Variants in RALGAPA2 observed in about 807,000 individuals in gnomAD.
RALGAPA2 encodes the protein ral GTPase-activating protein subunit alpha-2.
In RALGAPA2, 139 loss-of-function variants were observed where a neutral mutation model predicts 230.4. The observed-to-expected ratio is 0.60, with a 90% CI of 0.53 to 0.69. The LOEUF (loss-of-function observed/expected upper bound fraction) is 0.69. Among genes scored for constraint, RALGAPA2 ranks in the 30% least tolerant of loss-of-function variants. RALGAPA2 has a pLI of 0.00. For synonymous variants in RALGAPA2, 847 were observed against 837.8 expected, an observed-to-expected ratio of 1.01 and a Z score of -0.19; for missense variants, 2,163 against 2,276.0, an observed-to-expected ratio of 0.95 and a Z score of 1.01.
chr20:20,393,637 C>T (rs73901531), intron 39 of RALGAPA2, among the ~76,000 whole-genome samples: 1,936 of 152,272 alleles, frequency 0.013, 45 homozygotes, highest in African/African-American at 0.045. Context: ...GGCCGCTCTG[C>T]AGATCCCTGG....
At chr20:20,634,500 C>T (rs977214931) in intron 9 of RALGAPA2, among the ~76,000 whole-genome samples, 1 of 152,196 alleles carries the variant, frequency 6.6e-6, no homozygotes, top group African/African-American at 2.4e-5. Context: ...TCAGTGACTT[C>T]TCCCCAGTGG....
At chr20:20,657,957 G>A (rs1395129963) in intron 3 of RALGAPA2, among the ~76,000 whole-genome samples, 4 of 152,198 alleles carry the variant, frequency 2.6e-5, no homozygotes, top group Admixed American at 1.3e-4. Flanking sequence ...TGGTCTTCTT[G>A]ATTTCATTTT....
chr20:20,421,308 A>G (rs1602319802), intron 37 of RALGAPA2, among the ~76,000 whole-genome samples: 1 of 152,240 alleles, frequency 6.6e-6, no homozygotes, highest in East Asian at 1.9e-4. Context: ...AGCGACAGTA[A>G]TAACCAGTGA....
intron 23 of RALGAPA2, among the ~76,000 whole-genome samples, chr20:20,564,466 A>G (rs2145862602): frequency 6.6e-6 from 1 of 152,352 alleles, no homozygotes; most frequent in East Asian, 1.9e-4. Context: ...TGGTTAGTAC[A>G]GATACTTGTT....
rs1250955132 is a variant in RALGAPA2 at position 20,592,346 on chromosome 20, C to G, written c.2204-1032G>C. Among the ~76,000 whole-genome samples the G allele has an allele frequency of 5.3e-5, 8 of 152,116 alleles. No individual in the cohort carries two copies. The East Asian group carries it at 1.5e-3, about 29-fold the overall frequency. ...GATCCCCTTGCAAGGTACTCTAGCT[C>G]ACTTTAGTCTCCAGTAGTACTAACC... On this transcript the variant is annotated intron_variant, in intron 16 of 39. Coordinates refer to ENST00000202677, the MANE Select transcript of RALGAPA2 (RefSeq NM_020343.4).
intron 26 of RALGAPA2, among the ~76,000 whole-genome samples, chr20:20,533,476 T>C (rs1208148718): frequency 6.6e-6 from 1 of 152,110 alleles, no homozygotes; most frequent in African/African-American, 2.4e-5. Flanking sequence ...ACTAATCACA[T>C]AGCCTCAAAA....
intron 30 of RALGAPA2, among the ~76,000 whole-genome samples, chr20:20,523,368 T>C (rs1208212551): frequency 6.6e-6 from 1 of 152,250 alleles, no homozygotes; most frequent in Non-Finnish European, 1.5e-5. Context: ...ATTACTTTGA[T>C]GTGACATAGT....
chr20:20,398,218 C>T lies in RALGAPA2; in HGVS notation c.5618-1484G>A, dbSNP rs545854223. On this transcript the variant is annotated intron_variant, in intron 38 of 39. Coordinates refer to ENST00000202677, the MANE Select transcript of RALGAPA2 (RefSeq NM_020343.4). The surrounding 1 kb of genome is among the most constrained non-coding windows in gnomAD (Gnocchi z 4.5). ...TGAGCAAAGGGTCTCTTTATGAAGGCGCTCCTTGATCTCACTCCTCTGCAG... is the reference window on the plus strand; with the variant it reads ...TGAGCAAAGGGTCTCTTTATGAAGGTGCTCCTTGATCTCACTCCTCTGCAG... Among the ~76,000 whole-genome samples the T allele has an allele frequency of 3.0e-4, 45 of 152,256 alleles. No individual in the cohort carries two copies. The highest frequency in any genetic ancestry group is 6.8e-3 in the Middle Eastern group (2 of 294).
intron 3 of RALGAPA2, among the ~76,000 whole-genome samples, chr20:20,672,727 A>C (rs1365812381): frequency 6.6e-6 from 1 of 152,224 alleles, no homozygotes; most frequent in African/African-American, 2.4e-5. Context: ...GGCCAGAATG[A>C]ACAGAAACTT....
In RALGAPA2 at chr20:20,643,480, AT is replaced by A. The variant is rs11479840; in HGVS notation, c.372+25del. The A allele has an allele frequency of 6.5e-4, 946 of 1,457,718 alleles. 8 individuals carry two copies. In the African/African-American group the frequency reaches 0.012, roughly 18 times the overall value. 90.3% of individuals were successfully genotyped at this position (1,457,718 alleles called of 1,614,324 possible). A position where few individuals can be genotyped will look rare whatever the true frequency, so the allele number is the denominator to read the frequency against. On this transcript the variant is annotated intron_variant, in intron 5 of 39. Coordinates refer to ENST00000202677, the MANE Select transcript of RALGAPA2 (RefSeq NM_020343.4). Reference sequence around the variant, plus strand: ...TTAACAAATTTAAGAGTAATAAAAAATGTCATTACACAATAAAATAAATACC... The same window carrying A: ...TTAACAAATTTAAGAGTAATAAAAAAGTCATTACACAATAAAATAAATACC...
At chr20:20,544,801 A>G (rs541839745) in intron 24 of RALGAPA2, among the ~76,000 whole-genome samples, 1 of 151,986 alleles carries the variant, frequency 6.6e-6, no homozygotes, top group African/African-American at 2.4e-5. Flanking sequence ...ATTCTCACTC[A>G]TAAGTGGGAG....
At chr20:20,434,154 A>C (rs2060558117) in intron 37 of RALGAPA2, among the ~76,000 whole-genome samples, 1 of 152,170 alleles carries the variant, frequency 6.6e-6, no homozygotes, top group Admixed American at 6.5e-5. Flanking sequence ...AAGTGTATAA[A>C]AGCAAAATGA....
In RALGAPA2 at chr20:20,444,378, A is replaced by G. The variant is rs1012704818; in HGVS notation, c.5495+28451T>C. On this transcript the variant is annotated intron_variant, in intron 37 of 39. Coordinates refer to ENST00000202677, the MANE Select transcript of RALGAPA2 (RefSeq NM_020343.4). Reference sequence around the variant, plus strand: ...TCCTGGGACTCTCCTACACCCTAGCACATCACCTCGTTTCCCAATTTGAGG... The same window carrying G: ...TCCTGGGACTCTCCTACACCCTAGCGCATCACCTCGTTTCCCAATTTGAGG... 1.1e-4 allele frequency among the ~76,000 whole-genome samples: 17 copies of G among 152,234 alleles called. No homozygotes were observed. The East Asian group carries it at 3.3e-3, about 29-fold the overall frequency.
At chr20:20,580,084 A>G (rs1040639456) in intron 20 of RALGAPA2, among the ~76,000 whole-genome samples, 1 of 152,200 alleles carries the variant, frequency 6.6e-6, no homozygotes, top group South Asian at 2.1e-4. Context: ...AGAGCATCTA[A>G]ATCAGTATTT....
intron 23 of RALGAPA2, among the ~76,000 whole-genome samples, chr20:20,553,079 A>C (rs2063975394): frequency 6.6e-6 from 1 of 152,230 alleles, no homozygotes; most frequent in South Asian, 2.1e-4. Context: ...GGGGCCAAAT[A>C]TGTGGTATGT....
At chr20:20,693,530 G>T (rs1188034647) in intron 1 of RALGAPA2, among the ~76,000 whole-genome samples, 1 of 152,114 alleles carries the variant, frequency 6.6e-6, no homozygotes, top group Admixed American at 6.5e-5. Flanking sequence ...GAAATAAAAT[G>T]ACTACAGCCT....
chr20:20,571,318 G>T, intron 23 of RALGAPA2, 140 bp downstream of exon 23: 1 of 946,904 alleles, frequency 1.1e-6, no homozygotes, highest in Non-Finnish European at 1.5e-6. Context: ...AGACCATTGT[G>T]CTTGCTGTGT....
chr20:20,555,960 A>G (rs556342561), intron 23 of RALGAPA2, among the ~76,000 whole-genome samples: 1 of 152,316 alleles, frequency 6.6e-6, no homozygotes, highest in South Asian at 2.1e-4. Flanking sequence ...AGTGGTGAGA[A>G]AAGACATCCT....
rs2063783740 is a variant in RALGAPA2, at chr20:20,546,735, G to A, written c.3254C>T (p.Ala1085Val). The change falls in exon 24 of 40, where the codon GCT (alanine) becomes GTT (valine). Residue 1085 changes from alanine to valine, a missense_variant. Physicochemically the swap from Ala to Val is moderately conservative, Grantham distance 64. Coordinates refer to ENST00000202677, the MANE Select transcript of RALGAPA2 (RefSeq NM_020343.4). ...SMLVGDFITA[A>V]ARVLSTDILT... ...AATGTCTGTGCTAAGGACCCTGGCAGCGGCCGTGATGAAGTCCCCCACCAG... is the reference window on the plus strand; with the variant it reads ...AATGTCTGTGCTAAGGACCCTGGCAACGGCCGTGATGAAGTCCCCCACCAG... 1.2e-6 allele frequency: 2 copies of A among 1,611,194 alleles called. No individual in the cohort carries two copies. Among genetic ancestry groups the A allele is most frequent in the Non-Finnish European group, 1.7e-6 (2 of 1,179,016 alleles).
Sources: allele counts gnomAD v4.1 joint callset (sites outside exome capture counted in the v4.1 genomes callset), GRCh38; gene constraint gnomAD v4.1.1; non-coding constraint Gnocchi (gnomAD v3.1); transcripts MANE v1.5; gene names NCBI Gene and HGNC (gene_info 2026-07-23, HGNC 2026-07-21).